The following TBXAS1 variants were observed in gnomAD, a reference collection of about 807,000 sequenced individuals.
TBXAS1 encodes thromboxane A synthase 1.
A neutral mutation model predicts 60.7 loss-of-function variants in TBXAS1; 48 were observed. That is an observed-to-expected ratio of 0.79 (90% CI 0.63 to 1.01). TBXAS1 has a LOEUF of 1.01. Among genes scored for constraint, TBXAS1 ranks in the 50% least tolerant of loss-of-function variants. The pLI, the probability that TBXAS1 is intolerant of heterozygous loss-of-function variation, is 0.00. For missense variants in TBXAS1, 685 were observed against 686.3 expected (o/e 1.00, Z 0.02); for synonymous variants, 287 against 269.7 (o/e 1.06, Z -0.63).
At chr7:139,913,075 T>C (rs1805664766) in intron 4 of TBXAS1, 1 of 700,486 alleles carries the variant, frequency 1.4e-6, no homozygotes. Context: ...CCCCAGAGCA[T>C]CATGCCCAAC....
At chr7:139,912,973 AAGCTGTGAC>A in intron 4 of TBXAS1, 3 of 629,208 alleles carry the variant, frequency 4.8e-6, no homozygotes, top group Non-Finnish European at 8.7e-6. Context: ...TTTACTGCCA[AAGCTGTGAC>A]AGCTGCCTCA....
intron 1 of TBXAS1, among the ~76,000 whole-genome samples, chr7:139,847,928 C>T (rs1387133095): frequency 1.3e-5 from 2 of 152,118 alleles, no homozygotes; most frequent in Non-Finnish European, 2.9e-5. Flanking sequence ...CTCAAGTGAT[C>T]CTTTCACCTC....
intron 3 of TBXAS1, among the ~76,000 whole-genome samples, chr7:139,899,140 G>T (rs1804366415): frequency 6.6e-6 from 1 of 152,086 alleles, no homozygotes; most frequent in South Asian, 2.1e-4. Context: ...TAAGCCAGGG[G>T]TCTGACACAG....
At chr7:139,842,618 A>T (rs540185896) in intron 1 of TBXAS1, among the ~76,000 whole-genome samples, 1 of 152,358 alleles carries the variant, frequency 6.6e-6, no homozygotes, top group East Asian at 1.9e-4. Flanking sequence ...TAAGAGCCAC[A>T]TCTTTCCTGG....
intron 11 of TBXAS1, 85 bp from the exon 12 acceptor site, chr7:140,017,586 T>G: frequency 1.3e-6 from 2 of 1,566,030 alleles, no homozygotes; most frequent in South Asian, 1.2e-5. Context: ...TTGTCTCAGA[T>G]GCAGGGGTGG....
intron 5 of TBXAS1, among the ~76,000 whole-genome samples, chr7:139,945,998 T>A (rs1290822099): frequency 6.6e-6 from 1 of 152,206 alleles, no homozygotes; most frequent in Non-Finnish European, 1.5e-5. Flanking sequence ...AGTGGGGATC[T>A]ACAAATGTTT....
At chr7:139,863,572 G>T (rs1242324074) in intron 1 of TBXAS1, among the ~76,000 whole-genome samples, 2 of 152,202 alleles carry the variant, frequency 1.3e-5, no homozygotes, top group African/African-American at 4.8e-5. Context: ...CTATTGGAAT[G>T]CAACTATCAG....
chr7:139,786,474 C>A (rs2117234235), intron 3 of TBXAS1, among the ~76,000 whole-genome samples: 1 of 152,252 alleles, frequency 6.6e-6, no homozygotes. Context: ...AAAAGTTTCA[C>A]AGATAGACCT....
chr7:139,834,791 A>C (rs1223078419), intron 1 of TBXAS1, among the ~76,000 whole-genome samples: 1 of 152,214 alleles, frequency 6.6e-6, no homozygotes, highest in South Asian at 2.1e-4. Context: ...TACCCTGAAC[A>C]GACCAATACA....
intron 1 of TBXAS1, among the ~76,000 whole-genome samples, chr7:139,868,269 G>A (rs1801570534): frequency 6.6e-6 from 1 of 152,048 alleles, no homozygotes; most frequent in East Asian, 1.9e-4. Flanking sequence ...TTTTTAAATG[G>A]CACAGGACTT....
At chr7:139,950,363 C>T (rs2117288592) in intron 5 of TBXAS1, among the ~76,000 whole-genome samples, 1 of 152,168 alleles carries the variant, frequency 6.6e-6, no homozygotes, top group African/African-American at 2.4e-5. Flanking sequence ...TGAGTGAGTA[C>T]ATCTTTTGCT....
At chr7:139,931,791 A>G (rs1206243258) in intron 4 of TBXAS1, among the ~76,000 whole-genome samples, 1 of 152,102 alleles carries the variant, frequency 6.6e-6, no homozygotes, top group East Asian at 1.9e-4. Flanking sequence ...CAACCAAACC[A>G]TATCACTCAT....
At chr7:139,956,224 G>A (rs571003576) in intron 7 of TBXAS1, among the ~76,000 whole-genome samples, 50 of 152,168 alleles carry the variant, frequency 3.3e-4, no homozygotes, top group Non-Finnish European at 6.3e-4. Flanking sequence ...TCGGCTCACC[G>A]CAACCTCCGC....
chr7:139,951,950 A>AAAAAGAAG (rs1221006411), intron 5 of TBXAS1, among the ~76,000 whole-genome samples: 2 of 42,008 alleles, frequency 4.8e-5, no homozygotes, highest in African/African-American at 9.1e-5. Context: ...GGAAAGAAAG[A>AAAAAGAAG]AAAGAAAGAA....
chr7:139,805,505 A>G (rs115869635), intron 4 of TBXAS1, among the ~76,000 whole-genome samples: 1 of 152,086 alleles, frequency 6.6e-6, no homozygotes, highest in South Asian at 2.1e-4. Context: ...ATCCCATGAC[A>G]CACAACTCTT....
chr7:139,802,987 C>T (rs1797759469), intron 4 of TBXAS1, among the ~76,000 whole-genome samples: 3 of 152,132 alleles, frequency 2.0e-5, no homozygotes, highest in Non-Finnish European at 4.4e-5. Context: ...TACCCAGTCT[C>T]TGGTATTTCT....
intron 9 of TBXAS1, among the ~76,000 whole-genome samples, chr7:139,972,995 G>A (rs748750484): frequency 7.2e-5 from 11 of 152,246 alleles, no homozygotes; most frequent in African/African-American, 1.4e-4. Context: ...TGCGCCCAGC[G>A]AGAAAGGGGT....
At chr7:139,988,431 T>C (rs533180804) in intron 9 of TBXAS1, among the ~76,000 whole-genome samples, 1 of 152,286 alleles carries the variant, frequency 6.6e-6, no homozygotes, top group East Asian at 1.9e-4. Context: ...CATTTGGGTT[T>C]GCATCATCAT....
chr7:139,986,324 A>C (rs1393571888), intron 9 of TBXAS1, among the ~76,000 whole-genome samples: 1 of 152,216 alleles, frequency 6.6e-6, no homozygotes, highest in Non-Finnish European at 1.5e-5. Context: ...GAAGTGGTGA[A>C]GCATAAATTG....
Sources: gnomAD v4.1 joint callset for allele counts (sites outside exome capture counted in the v4.1 genomes callset) on GRCh38, gnomAD v4.1.1 for gene constraint, MANE v1.5 for transcripts, NCBI Gene and HGNC (gene_info 2026-07-23, HGNC 2026-07-21) for gene names.